Variants in OPCML observed in about 807,000 individuals in gnomAD.
The protein encoded by OPCML is opioid-binding protein/cell adhesion molecule.
A neutral mutation model predicts 37.8 loss-of-function variants in OPCML; 13 were observed. That is an observed-to-expected ratio of 0.34 (90% confidence interval 0.22 to 0.55). The LOEUF (loss-of-function observed/expected upper bound fraction) is 0.55, where lower values mean the gene tolerates loss of function less well. OPCML is among the 20% of genes least tolerant of loss of function. The pLI is 0.91. For missense variants in OPCML, 341 were observed against 435.6 expected, an observed-to-expected ratio of 0.78 and a Z score of 1.93; for synonymous variants, 176 against 168.8, an observed-to-expected ratio of 1.04 and a Z score of -0.33.
intron 7 of OPCML, among the ~76,000 whole-genome samples, chr11:132,426,222 A>G (rs2095977208): frequency 6.6e-6 from 1 of 152,222 alleles, no homozygotes; most frequent in African/African-American, 2.4e-5. Context: ...ATAGTTAGAG[A>G]CCAGATATGG....
chr11:132,624,449 C>T (rs922590790), intron 3 of OPCML, among the ~76,000 whole-genome samples: 5 of 152,190 alleles, frequency 3.3e-5, no homozygotes, highest in African/African-American at 1.2e-4. Context: ...TTTCTTATTT[C>T]TGTGATATCA....
intron 4 of OPCML, among the ~76,000 whole-genome samples, chr11:132,507,487 A>G (rs886252077): frequency 3.9e-5 from 6 of 151,962 alleles, no homozygotes; most frequent in Non-Finnish European, 8.8e-5. Flanking sequence ...GTGCTCATAC[A>G]TTAACATAAA....
intron 2 of OPCML, among the ~76,000 whole-genome samples, chr11:132,662,447 A>G (rs1942021987): frequency 6.6e-6 from 1 of 151,790 alleles, no homozygotes; most frequent in Non-Finnish European, 1.5e-5. Flanking sequence ...GATTCATTCA[A>G]CAGATATGGA....
chr11:133,500,143 T>G (rs960361930), intron 1 of OPCML, among the ~76,000 whole-genome samples: 2 of 152,152 alleles, frequency 1.3e-5, no homozygotes, highest in African/African-American at 4.8e-5. Context: ...GTGCTGGGTT[T>G]ACAGGCGTGA....
intron 1 of OPCML, among the ~76,000 whole-genome samples, chr11:133,243,596 C>G (rs1940810807): frequency 6.6e-6 from 1 of 152,136 alleles, no homozygotes; most frequent in African/African-American, 2.4e-5. Flanking sequence ...AAAGTCAGAG[C>G]TGGGCCTCTG....
chr11:132,685,275 A>G (rs1388270855), intron 2 of OPCML, among the ~76,000 whole-genome samples: 2 of 152,194 alleles, frequency 1.3e-5, no homozygotes, highest in African/African-American at 4.8e-5. Context: ...TGTCAGTCTT[A>G]GTTGAATTCA....
intron 2 of OPCML, among the ~76,000 whole-genome samples, chr11:132,862,108 A>C (rs887561539): frequency 2.0e-5 from 3 of 152,246 alleles, no homozygotes; most frequent in African/African-American, 7.2e-5. Flanking sequence ...CAAGGAAGCT[A>C]GAATGACACA....
chr11:132,984,755 C>G (rs1016747956), intron 1 of OPCML, among the ~76,000 whole-genome samples: 1 of 152,226 alleles, frequency 6.6e-6, no homozygotes, highest in Non-Finnish European at 1.5e-5. Flanking sequence ...CCACCAGCAA[C>G]AGCTTGAAGA....
intron 1 of OPCML, among the ~76,000 whole-genome samples, chr11:133,262,892 G>A (rs1335866977): frequency 6.6e-6 from 1 of 151,864 alleles, no homozygotes; most frequent in Non-Finnish European, 1.5e-5. Context: ...TACTACCAGT[G>A]GGGTGCCAGT....
chr11:133,091,864 T>A (rs1948911945), intron 1 of OPCML, among the ~76,000 whole-genome samples: 1 of 152,160 alleles, frequency 6.6e-6, no homozygotes, highest in African/African-American at 2.4e-5. Flanking sequence ...TGAAATGCAT[T>A]AAGACTTTTG....
intron 1 of OPCML, among the ~76,000 whole-genome samples, chr11:133,449,240 T>G (rs1946531119): frequency 6.6e-6 from 1 of 152,204 alleles, no homozygotes. Flanking sequence ...TCAACAAGCT[T>G]TTTTCTGCAA....
chr11:132,909,379 G>A (rs902626795), intron 2 of OPCML, among the ~76,000 whole-genome samples: 45 of 152,234 alleles, frequency 3.0e-4, no homozygotes, highest in African/African-American at 1.1e-3. Flanking sequence ...CGAACATTCT[G>A]AGAGACCATT....
chr11:133,418,973 G>A (rs1945825353), intron 1 of OPCML, among the ~76,000 whole-genome samples: 1 of 152,146 alleles, frequency 6.6e-6, no homozygotes, highest in South Asian at 2.1e-4. Context: ...CCCAGAGACT[G>A]ACTCAGTGCA....
At chr11:132,651,435 T>C (rs540373895) in intron 3 of OPCML, among the ~76,000 whole-genome samples, 36 of 152,294 alleles carry the variant, frequency 2.4e-4, no homozygotes, top group African/African-American at 8.7e-4. Flanking sequence ...TTTGATAACT[T>C]TTTTTCTCGT....
intron 1 of OPCML, among the ~76,000 whole-genome samples, chr11:133,213,562 C>T (rs183897525): frequency 6.6e-6 from 1 of 152,128 alleles, no homozygotes; most frequent in Non-Finnish European, 1.5e-5. Flanking sequence ...GAGTTTTTAA[C>T]AGAAGTATAA....
In OPCML at chr11:132,775,627, T is replaced by C. The variant is rs548202189; in HGVS notation, c.147-118308A>G. ...GGAGCCTCCTCCAGTGACGCAATGA[T>C]GTCCTCCCACTGAAGTTTCTTTCAC... On this transcript the variant is annotated intron_variant, in intron 2 of 7. Transcript: ENST00000524381. Among the ~76,000 whole-genome samples the C allele has an allele frequency of 5.3e-5, 8 of 152,286 alleles. No homozygotes were observed. The South Asian group carries it at 1.7e-3, about 32-fold the overall frequency.
chr11:133,098,259 A>G (rs1047398826), intron 1 of OPCML, among the ~76,000 whole-genome samples: 1 of 138,648 alleles, frequency 7.2e-6, no homozygotes, highest in Non-Finnish European at 1.5e-5. Flanking sequence ...TCTGTCACCC[A>G]GTCTGGAGTG....
At chr11:133,224,913 A>C (rs566332398) in intron 1 of OPCML, among the ~76,000 whole-genome samples, 1 of 152,068 alleles carries the variant, frequency 6.6e-6, no homozygotes, top group African/African-American at 2.4e-5. Flanking sequence ...GCTTTTCCAT[A>C]TCTCTTCCCT....
chr11:133,424,738 T>C (rs1180350166), intron 1 of OPCML, among the ~76,000 whole-genome samples: 1 of 152,244 alleles, frequency 6.6e-6, no homozygotes, highest in Non-Finnish European at 1.5e-5. Flanking sequence ...ATAAAACTAC[T>C]AGTTAAAAGA....
Sources: allele counts gnomAD v4.1 joint callset (sites outside exome capture counted in the v4.1 genomes callset), GRCh38; gene constraint gnomAD v4.1.1; transcripts MANE v1.5; gene names NCBI Gene and HGNC (gene_info 2026-07-23, HGNC 2026-07-21).